Variants in NRG3 observed in about 807,000 individuals in gnomAD.
NRG3 encodes pro-neuregulin-3, membrane-bound isoform.
NRG3 carries 31 observed loss-of-function variants against 66.9 expected under a neutral mutation model. That is an observed-to-expected ratio of 0.46 (90% CI 0.35 to 0.63). NRG3 has a LOEUF of 0.63. NRG3 is among the 20% of genes least tolerant of loss of function. NRG3 has a pLI of 0.00. For synonymous variants in NRG3, 393 were observed against 359.4 expected (o/e 1.09, Z -1.06); for missense variants, 910 against 878.9 (o/e 1.04, Z -0.45).
intron 1 of NRG3, among the ~76,000 whole-genome samples, chr10:82,115,565 C>T (rs1240395510): frequency 6.6e-6 from 1 of 152,080 alleles, no homozygotes; most frequent in African/African-American, 2.4e-5. Flanking sequence ...GGTTCCCTTA[C>T]TTATATCAGG....
chr10:82,235,961 C>T (rs1346086592), intron 1 of NRG3, among the ~76,000 whole-genome samples: 1 of 151,896 alleles, frequency 6.6e-6, no homozygotes, highest in Non-Finnish European at 1.5e-5. Flanking sequence ...CATGGCCCAT[C>T]CCTGCCACAC....
intron 2 of NRG3, among the ~76,000 whole-genome samples, chr10:82,676,129 C>A (rs193177799): frequency 6.6e-6 from 1 of 152,128 alleles, no homozygotes; most frequent in Admixed American, 6.5e-5. Context: ...TTCATTGACA[C>A]GAGGCCAGCC....
intron 1 of NRG3, among the ~76,000 whole-genome samples, chr10:82,252,479 A>T (rs568753350): frequency 6.6e-6 from 1 of 152,200 alleles, no homozygotes; most frequent in Non-Finnish European, 1.5e-5. Context: ...GCCTACTTCT[A>T]TGTGATTCTC....
chr10:82,315,939 G>C (rs61864203), intron 1 of NRG3, among the ~76,000 whole-genome samples: 2,751 of 152,112 alleles, frequency 0.018, 41 homozygotes, highest in Non-Finnish European at 0.027. Flanking sequence ...GAGCCACTGC[G>C]CCCGGCCCAT....
At chr10:81,990,747 T>C (rs2133568121) in intron 1 of NRG3, among the ~76,000 whole-genome samples, 1 of 152,294 alleles carries the variant, frequency 6.6e-6, no homozygotes, top group Admixed American at 6.5e-5. Context: ...ATTATTGGTA[T>C]TTATGCTGAA....
Position 81,936,689 on chromosome 10 carries a change from A to G in NRG3, c.823+60526A>G, listed in dbSNP as rs78359135. Among the ~76,000 whole-genome samples the G allele has an allele frequency of 5.9e-3, 898 of 152,172 alleles. 10 individuals are homozygous for G. Among genetic ancestry groups the G allele is most frequent in the African/African-American group, 0.02 (832 of 41,512 alleles). ...GGTGGTTGGGGCCGAAGCTCTTTCT[A>G]ACTCACCACCCTGCTATAGTCAGGG... is the stretch of plus-strand genomic sequence containing the variant. On this transcript the variant is annotated intron_variant, in intron 1 of 8. Transcript: ENST00000372141.
chr10:82,757,372 T>C (rs2059122474), intron 3 of NRG3, among the ~76,000 whole-genome samples: 1 of 152,082 alleles, frequency 6.6e-6, no homozygotes, highest in Non-Finnish European at 1.5e-5. Flanking sequence ...AATAAACTTA[T>C]CAGACAGTGA....
chr10:81,901,073 A>G (rs1353580048), intron 1 of NRG3, among the ~76,000 whole-genome samples: 1 of 152,226 alleles, frequency 6.6e-6, no homozygotes, highest in Non-Finnish European at 1.5e-5. Context: ...CACATGGTGA[A>G]GTCGGGAGCT....
At chr10:81,970,469 A>G (rs1404959143) in intron 1 of NRG3, among the ~76,000 whole-genome samples, 21 of 152,220 alleles carry the variant, frequency 1.4e-4, no homozygotes, top group Non-Finnish European at 4.4e-5. Context: ...CTGTAATTTT[A>G]CAATGGCAAA....
At chr10:82,168,298 G>T (rs1041812019) in intron 1 of NRG3, among the ~76,000 whole-genome samples, 1 of 152,164 alleles carries the variant, frequency 6.6e-6, no homozygotes, top group African/African-American at 2.4e-5. Context: ...TGGGTAGGTG[G>T]CTGGGAATTG....
At chr10:82,217,409 C>T (rs2075741346) in intron 1 of NRG3, among the ~76,000 whole-genome samples, 2 of 152,138 alleles carry the variant, frequency 1.3e-5, no homozygotes, top group Non-Finnish European at 2.9e-5. Context: ...CTGAGGCTCC[C>T]TCCCAGACTT....
At chr10:82,015,196 C>A (rs955618898) in intron 1 of NRG3, among the ~76,000 whole-genome samples, 12 of 152,144 alleles carry the variant, frequency 7.9e-5, no homozygotes, top group Non-Finnish European at 1.8e-4. Flanking sequence ...AAAATTCTTA[C>A]TTGGGTTCTC....
chr10:81,939,712 A>G (rs1479185035), intron 1 of NRG3, among the ~76,000 whole-genome samples: 1 of 151,110 alleles, frequency 6.6e-6, no homozygotes, highest in Non-Finnish European at 1.5e-5. Context: ...TTAAAAAAAA[A>G]AAACCCAAAT....
In NRG3 at chr10:82,650,176, A is replaced by G. The variant is rs1387658114; in HGVS notation, c.954-88401A>G. 2.6e-5 allele frequency among the ~76,000 whole-genome samples: 4 copies of G among 152,312 alleles called. No homozygotes were observed. In the East Asian group the frequency reaches 5.8e-4, roughly 22 times the overall value. On this transcript the variant is annotated intron_variant, in intron 2 of 8. Coordinates refer to ENST00000372141, the MANE Select transcript of NRG3 (RefSeq NM_001010848.4). ...CAAAATATTACGCTTCTTCTTTGTC[A>G]TGATATGTATATGTATGTGTATGTC...
chr10:82,346,030 TCTTTTCCTA>T (rs1399445886), intron 1 of NRG3, among the ~76,000 whole-genome samples: 2 of 151,968 alleles, frequency 1.3e-5, no homozygotes, highest in Non-Finnish European at 2.9e-5. Flanking sequence ...TTTGATTTCC[TCTTTTCCTA>T]ATTGAATACC....
At chr10:82,842,214 G>T (rs1212031828) in intron 3 of NRG3, among the ~76,000 whole-genome samples, 1 of 152,142 alleles carries the variant, frequency 6.6e-6, no homozygotes, top group Admixed American at 6.5e-5. Flanking sequence ...TCACACCACT[G>T]CACTCCAGCC....
chr10:82,613,186 T>C (rs940297117), intron 2 of NRG3, among the ~76,000 whole-genome samples: 9 of 152,168 alleles, frequency 5.9e-5, no homozygotes, highest in Admixed American at 5.2e-4. Flanking sequence ...GTTCAAGAAG[T>C]ACTTTGTGAA....
At position 82,370,345 on chromosome 10, in the gene NRG3, C is replaced by T. The variant is rs925563602; in HGVS notation, c.953+11477C>T. On this transcript the variant is annotated intron_variant, in intron 2 of 8. Transcript: ENST00000372141. ...GGGCTGCCCAGTGGCCAGCCTCCTC[C>T]AGTCACCCCCTGCTGAACTCCCCTC... 1.5e-5 allele frequency among the ~76,000 whole-genome samples: 2 copies of T among 137,846 alleles called. 1 individual carries two copies. The highest frequency in any genetic ancestry group is 6.8e-5 in the African/African-American group (2 of 29,502). 90.4% of individuals were successfully genotyped at this position (137,846 alleles called of 152,430 possible).
At chr10:82,787,145 G>A (rs2060403501) in intron 3 of NRG3, among the ~76,000 whole-genome samples, 1 of 152,082 alleles carries the variant, frequency 6.6e-6, no homozygotes, top group Admixed American at 6.5e-5. Flanking sequence ...TTATGCTTCT[G>A]CATTCATTTC....
Sources: allele counts gnomAD v4.1 joint callset (sites outside exome capture counted in the v4.1 genomes callset), GRCh38; gene constraint gnomAD v4.1.1; transcripts MANE v1.5; gene names NCBI Gene and HGNC (gene_info 2026-07-23, HGNC 2026-07-21).